The following STX8 variants were observed in gnomAD, a reference collection of about 807,000 sequenced individuals.
The protein encoded by STX8 is syntaxin 8.
In STX8, 23 loss-of-function variants were observed where a neutral mutation model predicts 37.5. That is an observed-to-expected ratio of 0.61 (90% CI 0.44 to 0.87). The LOEUF (loss-of-function observed/expected upper bound fraction) is 0.87, where lower values mean the gene tolerates loss of function less well. Ranked by LOEUF, STX8 falls within the 40% of genes least tolerant of loss-of-function variation. STX8 has a pLI of 0.00. For synonymous variants in STX8, 115 were observed against 99.1 expected (o/e 1.16, Z -0.95); for missense variants, 313 against 284.7 (o/e 1.10, Z -0.71).
chr17:9,295,957 A>G (rs958706492), intron 7 of STX8, among the ~76,000 whole-genome samples: 24 of 150,668 alleles, frequency 1.6e-4, no homozygotes, highest in Admixed American at 5.3e-4. Context: ...TTGGGAGGCC[A>G]AGGCGGGCGG....
chr17:9,414,946 ATG>A lies in STX8; in HGVS notation c.542-36295_542-36294del, dbSNP rs1385461433. On this transcript the variant is annotated intron_variant, in intron 6 of 7. Transcript: ENST00000306357. Reference sequence around the variant, plus strand: ...GCTGGGATTACAGGCACCCGCCACCATGCCCAGCTAATTTTTGTATTTTTAGT... The same window carrying A: ...GCTGGGATTACAGGCACCCGCCACCACCCAGCTAATTTTTGTATTTTTAGT... 1.5e-3 allele frequency among the ~76,000 whole-genome samples: 232 copies of A among 152,000 alleles called. 2 individuals are homozygous for A. Among genetic ancestry groups the A allele is most frequent in the African/African-American group, 4.8e-3 (201 of 41,476 alleles).
At chr17:9,422,105 G>GT (rs567821440) in intron 6 of STX8, among the ~76,000 whole-genome samples, 9,282 of 139,580 alleles carry the variant, frequency 0.066, 683 homozygotes, top group African/African-American at 0.18. Context: ...TCGGGTAGTA[G>GT]TTTTTTTTTT....
At chr17:9,569,622 C>T (rs1907601995) in intron 1 of STX8, 1 of 152,162 alleles carries the variant, frequency 6.6e-6, no homozygotes, top group African/African-American at 2.4e-5. Context: ...TTTTGCTTCT[C>T]TCAGAGCATT....
intron 4 of STX8, among the ~76,000 whole-genome samples, chr17:9,541,545 C>T (rs576280434): frequency 3.4e-4 from 52 of 152,264 alleles, no homozygotes; most frequent in Non-Finnish European, 6.8e-4. Flanking sequence ...CTAACAACAA[C>T]GAAAAATGGG....
At chr17:9,427,040 A>T (rs188723039) in intron 6 of STX8, among the ~76,000 whole-genome samples, 1 of 152,240 alleles carries the variant, frequency 6.6e-6, no homozygotes, top group African/African-American at 2.4e-5. Context: ...TCAGCTTCCC[A>T]AAGTTCACAT....
At chr17:9,435,138 G>A (rs1214268285) in intron 6 of STX8, among the ~76,000 whole-genome samples, 1 of 152,190 alleles carries the variant, frequency 6.6e-6, no homozygotes, top group Non-Finnish European at 1.5e-5. Flanking sequence ...AAGTTGGAGG[G>A]TGACACTAAT....
At position 9,557,381 on chromosome 17, in the gene STX8, C is replaced by T. The variant is rs549078047; in HGVS notation, c.212+53G>A. Reference sequence around the variant, plus strand: ...CCAGATTCCTTCCTTTCTTAAAATACGACTGCTTTTCCTCCCACTCTAGAA... The same window carrying T: ...CCAGATTCCTTCCTTTCTTAAAATATGACTGCTTTTCCTCCCACTCTAGAA... On this transcript the variant is annotated intron_variant, in intron 3 of 7. Coordinates refer to ENST00000306357, the MANE Select transcript of STX8 (RefSeq NM_004853.3). The T allele has an allele frequency of 1.5e-4, 223 of 1,496,208 alleles. 1 individual carries two copies. The South Asian group carries it at 1.8e-3, about 12-fold the overall frequency. 92.7% of individuals were successfully genotyped at this position (1,496,208 alleles called of 1,614,324 possible).
At chr17:9,412,682 C>T (rs1913024868) in intron 6 of STX8, among the ~76,000 whole-genome samples, 1 of 152,208 alleles carries the variant, frequency 6.6e-6, no homozygotes, top group Non-Finnish European at 1.5e-5. Flanking sequence ...GCTCTCCATC[C>T]TATGCCATAG....
At chr17:9,330,666 AAGG>A (rs1909933930) in intron 7 of STX8, among the ~76,000 whole-genome samples, 1 of 152,202 alleles carries the variant, frequency 6.6e-6, no homozygotes, top group African/African-American at 2.4e-5. Flanking sequence ...TACGAACAAC[AAGG>A]GATGGCCCCT....
chr17:9,372,697 T>C lies in STX8; in HGVS notation c.643+5855A>G, dbSNP rs866570299. On this transcript the variant is annotated intron_variant, in intron 7 of 7. Coordinates refer to ENST00000306357, the MANE Select transcript of STX8 (RefSeq NM_004853.3). ...TTCAACATGTTGGCCAGGCTGGTCTTGAACTCTTGACCTTGTGATCCACCC... is the reference window on the plus strand; with the variant it reads ...TTCAACATGTTGGCCAGGCTGGTCTCGAACTCTTGACCTTGTGATCCACCC... Among the ~76,000 whole-genome samples the C allele has an allele frequency of 1.1e-3, 170 of 151,498 alleles. 1 individual carries two copies. Among genetic ancestry groups the C allele is most frequent in the African/African-American group, 3.9e-3 (161 of 41,428 alleles).
intron 6 of STX8, among the ~76,000 whole-genome samples, chr17:9,442,792 C>T (rs1004702738): frequency 1.3e-5 from 2 of 152,116 alleles, no homozygotes; most frequent in Admixed American, 1.3e-4. Flanking sequence ...CACTGAGGGG[C>T]AAGCATTGTC....
intron 1 of STX8, among the ~76,000 whole-genome samples, chr17:9,573,750 G>A (rs191554982): frequency 3.3e-5 from 5 of 152,238 alleles, no homozygotes; most frequent in Admixed American, 3.3e-4. Context: ...ACAGTCTAAT[G>A]AGAAAGCCAC....
chr17:9,420,649 A>T (rs1043346689), intron 6 of STX8, among the ~76,000 whole-genome samples: 1 of 152,184 alleles, frequency 6.6e-6, no homozygotes, highest in African/African-American at 2.4e-5. Context: ...TTGAGAGGTT[A>T]AGTCTACAAT....
intron 6 of STX8, among the ~76,000 whole-genome samples, chr17:9,380,809 G>C (rs1452854669): frequency 7.0e-6 from 1 of 143,472 alleles, no homozygotes; most frequent in Non-Finnish European, 1.5e-5. Context: ...TGCCTCTCAA[G>C]TTCAAGCGAT....
At chr17:9,307,771 T>C (rs1909051634) in intron 7 of STX8, among the ~76,000 whole-genome samples, 1 of 152,104 alleles carries the variant, frequency 6.6e-6, no homozygotes, top group African/African-American at 2.4e-5. Context: ...CTTTCTGACC[T>C]TCTCCCATCC....
rs181521971 is a variant in STX8, at chr17:9,458,339, T to C, written c.541+33490A>G. ...TAATTTTTTGTATTTTTAGTAGAGA[T>C]GGGGTTTCACCGTGTCAGCCAGGAT... On this transcript the variant is annotated intron_variant, in intron 6 of 7. Coordinates refer to ENST00000306357, the MANE Select transcript of STX8 (RefSeq NM_004853.3). 7.1e-4 allele frequency among the ~76,000 whole-genome samples: 108 copies of C among 152,130 alleles called. No homozygotes were observed. In the South Asian group the frequency reaches 8.1e-3, roughly 11 times the overall value.
At position 9,557,425 on chromosome 17, in the gene STX8, C is replaced by T. The variant is rs1317926162; in HGVS notation, c.212+9G>A. On this transcript the variant is annotated intron_variant, in intron 3 of 7. Transcript: ENST00000306357. ...TCTAGAAAAGAGGTGGAAATGTTTA[C>T]ATGGATACATCTGATGTGTTGACAC... The T allele has an allele frequency of 6.2e-7, 1 of 1,608,952 alleles. No individual in the cohort carries two copies. The highest frequency in any genetic ancestry group is 2.2e-5 in the East Asian group (1 of 44,838).
intron 6 of STX8, among the ~76,000 whole-genome samples, chr17:9,422,359 G>A (rs942523095): frequency 9.2e-5 from 14 of 152,056 alleles, no homozygotes; most frequent in African/African-American, 1.7e-4. Context: ...TGCCCACCTC[G>A]GCCTCCCAAA....
At chr17:9,423,906 C>G (rs1172608222) in intron 6 of STX8, among the ~76,000 whole-genome samples, 5 of 152,152 alleles carry the variant, frequency 3.3e-5, no homozygotes, top group Admixed American at 1.3e-4. Context: ...CATACCACAT[C>G]TGTCAGCCAC....
Sources: allele counts gnomAD v4.1 joint callset (sites outside exome capture counted in the v4.1 genomes callset), GRCh38; gene constraint gnomAD v4.1.1; transcripts MANE v1.5; gene names NCBI Gene and HGNC (gene_info 2026-07-23, HGNC 2026-07-21).